The following ODAD4 variants were observed in gnomAD, a reference collection of about 807,000 sequenced individuals.
ODAD4 encodes outer dynein arm docking complex subunit 4.
In ODAD4, 49 loss-of-function variants were observed where a neutral mutation model predicts 51.8. The observed-to-expected ratio is 0.95, with a 90% CI of 0.75 to 1.20. The LOEUF (loss-of-function observed/expected upper bound fraction) is 1.20. Among genes scored for constraint, ODAD4 ranks in the 50% most tolerant of loss-of-function variants. The pLI, the probability that ODAD4 is intolerant of heterozygous loss-of-function variation, is 0.00. For synonymous variants in ODAD4, 235 were observed against 221.3 expected (o/e 1.06, Z -0.55); for missense variants, 590 against 586.5 (o/e 1.01, Z -0.06).
At chr17:41,937,847 C>T (rs1345678579) in intron 5 of ODAD4, among the ~76,000 whole-genome samples, 1 of 152,224 alleles carries the variant, frequency 6.6e-6, no homozygotes, top group Non-Finnish European at 1.5e-5. Context: ...TGTCCCACAT[C>T]AACATGGGGA....
rs782798069 is a variant in ODAD4 at position 41,935,784 on chromosome 17, A to G, written c.397+35A>G. On this transcript the variant is annotated intron_variant, in intron 3 of 11. Coordinates refer to ENST00000377540, the MANE Select transcript of ODAD4 (RefSeq NM_031421.5). Reference sequence around the variant, plus strand: ...CACAGGGCCTATGCCCTTATCCAGGAAGGTCCTTGGAATCCTTAGGTTTAG... The same window carrying G: ...CACAGGGCCTATGCCCTTATCCAGGGAGGTCCTTGGAATCCTTAGGTTTAG... The G allele has an allele frequency of 9.3e-6, 15 of 1,611,458 alleles. 1 individual carries two copies. The Admixed American group carries it at 2.5e-4, about 27-fold the overall frequency.
chr17:41,965,602 G>A lies in ODAD4; in HGVS notation c.*119G>A. The stretch of plus-strand genomic sequence containing the variant: ...GAAAAATGAGGGTTTTACTTCTGCT[G>A]CTTTCCATCACTATTTTGCCATTAA... On this transcript the variant is annotated 3_prime_UTR_variant, in exon 12 of 12. Transcript: ENST00000377540. The A allele has an allele frequency of 1.6e-6, 1 of 615,762 alleles. No homozygotes were observed. Among genetic ancestry groups the A allele is most frequent in the Non-Finnish European group, 2.9e-6 (1 of 348,142 alleles). The allele number at this position is 615,762 out of a possible 1,614,324, so 38.1% of individuals were successfully genotyped here.
chr17:41,936,855 A>T lies in ODAD4; in HGVS notation c.553A>T (p.Lys185Ter), dbSNP rs1567929282. 6.2e-7 allele frequency: 1 copy of T among 1,613,978 alleles called. No homozygotes were observed. The highest frequency in any genetic ancestry group is 8.5e-7 in the Non-Finnish European group (1 of 1,179,888). Residue 185 changes from lysine to a stop codon, truncating the protein, a stop_gained, in exon 5 of 12, where the codon AAG becomes TAG. Coordinates refer to ENST00000377540, the MANE Select transcript of ODAD4 (RefSeq NM_031421.5). LOFTEE classifies it high-confidence loss of function. ...GTGGAAGGCCTCGCTCAAGAGTGAG[A>T]AGACTGTCCGCCAGCTTCTGGGGGA... ...PKWKASLKSEKTVRQLLGELY... is the reference protein window; with the variant it reads ...PKWKASLKSE
chr17:41,953,137 T>A (rs1344971168), intron 9 of ODAD4, among the ~76,000 whole-genome samples: 1 of 152,130 alleles, frequency 6.6e-6, no homozygotes, highest in Non-Finnish European at 1.5e-5. Flanking sequence ...CTCAGCTCAG[T>A]GCAACCTCTG....
intron 10 of ODAD4, among the ~76,000 whole-genome samples, chr17:41,955,892 A>G (rs967816329): frequency 3.1e-4 from 47 of 151,868 alleles, no homozygotes; most frequent in African/African-American, 1.1e-3. Flanking sequence ...GGCTCATTGC[A>G]GCCTCGACCT....
At position 41,965,089 on chromosome 17, in the gene ODAD4, G is replaced by A; in HGVS notation, c.1625G>A (p.Ser542Asn). ...AAGGTGGTGAAGCAGTGGGACCATA[G>A]TGAGGATGAGAAAGAGACAGATGAG... The part of the protein sequence containing the change: ...PEKVVKQWDH[S>N]EDEKETDEDD... Residue 542 changes from serine (S) to asparagine (N), a missense_variant, in exon 12 of 12, where the codon AGT becomes AAT. Transcript: ENST00000377540. 1 of 768,832 alleles carries A rather than the reference G, an allele frequency of 1.3e-6. No individual in the cohort carries two copies. Among genetic ancestry groups the A allele is most frequent in the Non-Finnish European group, 2.4e-6 (1 of 412,332 alleles). 47.6% of individuals were successfully genotyped at this position (768,832 alleles called of 1,614,324 possible). A position where few individuals can be genotyped will look rare whatever the true frequency, so the allele number is the denominator to read the frequency against.
chr17:41,934,991 G>A (rs1434091728), intron 1 of ODAD4, among the ~76,000 whole-genome samples: 1 of 152,174 alleles, frequency 6.6e-6, no homozygotes, highest in African/African-American at 2.4e-5. Flanking sequence ...TGTTCAAGGT[G>A]AGCCATATGC....
At chr17:41,948,391 A>T (rs879196677) in intron 8 of ODAD4, among the ~76,000 whole-genome samples, 14,594 of 148,112 alleles carry the variant, frequency 0.099, 957 homozygotes, top group South Asian at 0.14. Context: ...ATTATAGCTC[A>T]CTGCAATTTC....
In ODAD4 at chr17:41,965,572, TATAG is replaced by T. The variant is rs2050873118; in HGVS notation, c.*90_*93del. 1 of 655,250 alleles carries T rather than the reference TATAG, an allele frequency of 1.5e-6. No individual in the cohort carries two copies. The highest frequency in any genetic ancestry group is 2.6e-5 in the Admixed American group (1 of 37,764). 40.6% of individuals were successfully genotyped at this position (655,250 alleles called of 1,614,324 possible). ...CTGGATTTTCAAGCGATTTGTCTGT[TATAG>T]GAAAAATGAGGGTTTTACTTCTGCT... On this transcript the variant is annotated 3_prime_UTR_variant, in exon 12 of 12. Coordinates refer to ENST00000377540, the MANE Select transcript of ODAD4 (RefSeq NM_031421.5).
chr17:41,950,385 C>CTT (rs1157988532), intron 9 of ODAD4, among the ~76,000 whole-genome samples: 5 of 138,480 alleles, frequency 3.6e-5, no homozygotes, highest in African/African-American at 5.3e-5. Context: ...ATGAGGGAAG[C>CTT]TTTTTTTTTT....
rs2050459207 is a variant in ODAD4 at position 41,938,571 on chromosome 17, A to G, written c.640A>G (p.Thr214Ala). The change falls in exon 6 of 12, where the codon ACC becomes GCC. Residue 214 changes from threonine to alanine, a missense_variant. This residue lies in a region of ODAD4 where 360 missense variants were observed against 407.5 expected (regional missense o/e 0.88). Transcript: ENST00000377540. The stretch of plus-strand genomic sequence containing the variant: ...CTTCCCCACAGACCTGATCAAAGGC[A>G]CCATGAAGGGCGGCCTGACTGTGGA... ...LLLDEDLIKG[T>A]MKGGLTVEDL... 6.2e-7 allele frequency: 1 copy of G among 1,613,810 alleles called. No individual in the cohort carries two copies.
Position 41,930,881 on chromosome 17 carries a change from C to CTTTTTTTTTTTTTTTTTT in ODAD4, c.114+56_114+73dup, listed in dbSNP as rs782820445. On this transcript the variant is annotated intron_variant, in intron 1 of 11. Coordinates refer to ENST00000377540, the MANE Select transcript of ODAD4 (RefSeq NM_031421.5). ...CTATCCATCACCCCATCACCCGTCA[C>CTTTTTTTTTTTTTTTTTT]TTTTTTTTTTTTTTTTTTTTTTTTT... 10 of 97,238 alleles carry CTTTTTTTTTTTTTTTTTT rather than the reference C, an allele frequency of 1.0e-4. 1 individual carries two copies. Among genetic ancestry groups the CTTTTTTTTTTTTTTTTTT allele is most frequent in the African/African-American group, 4.9e-4 (6 of 12,132 alleles). 6.0% of individuals were successfully genotyped at this position (97,238 alleles called of 1,614,324 possible). A position where few individuals can be genotyped will look rare whatever the true frequency, so the allele number is the denominator to read the frequency against.
intron 7 of ODAD4, among the ~76,000 whole-genome samples, chr17:41,940,205 G>A (rs1555638523): frequency 6.6e-6 from 1 of 152,036 alleles, no homozygotes; most frequent in Non-Finnish European, 1.5e-5. Context: ...CCAGCCCTCA[G>A]CCGACCTGAG....
At chr17:41,944,439 C>A (rs1357704727) in intron 7 of ODAD4, among the ~76,000 whole-genome samples, 2 of 3,940 alleles carry the variant, frequency 5.1e-4, no homozygotes, top group African/African-American at 1.1e-3. Flanking sequence ...CACACACACA[C>A]ACACACCCCC....
intron 10 of ODAD4, among the ~76,000 whole-genome samples, chr17:41,956,194 C>T (rs2050730287): frequency 6.6e-6 from 1 of 151,132 alleles, no homozygotes; most frequent in African/African-American, 2.4e-5. Context: ...ATCACAGGCG[C>T]CCCCCCACCA....
chr17:41,957,636 CCTGA>C (rs1246238373), intron 10 of ODAD4, among the ~76,000 whole-genome samples: 3 of 152,150 alleles, frequency 2.0e-5, no homozygotes, highest in Non-Finnish European at 4.4e-5. Context: ...TGTCTCTGTT[CCTGA>C]CTTTTTCCCA....
chr17:41,934,963 A>G (rs1282577574), intron 1 of ODAD4, among the ~76,000 whole-genome samples: 3 of 152,206 alleles, frequency 2.0e-5, no homozygotes, highest in Admixed American at 6.5e-5. Context: ...GGCTTCCACA[A>G]TAGCCATGAT....
At chr17:41,932,728 T>TC (rs1246261812) in intron 1 of ODAD4, among the ~76,000 whole-genome samples, 3 of 7,430 alleles carry the variant, frequency 4.0e-4, no homozygotes, top group African/African-American at 5.5e-4. Context: ...CTTTTCTTCT[T>TC]TTTTTTTTTT....
chr17:41,953,675 A>AGAGG (rs1172026976), intron 9 of ODAD4, among the ~76,000 whole-genome samples: 2 of 151,250 alleles, frequency 1.3e-5, no homozygotes, highest in Admixed American at 1.3e-4. Flanking sequence ...ATATAGAGAG[A>AGAGG]GAGAGAGAGA....
Sources: gnomAD v4.1 joint callset for allele counts (sites outside exome capture counted in the v4.1 genomes callset) on GRCh38, gnomAD v4.1.1 for gene constraint, gnomAD v4.1.1 regional missense constraint, MANE v1.5 for transcripts, NCBI Gene and HGNC (gene_info 2026-07-23, HGNC 2026-07-21) for gene names.